UPF3A: variants seen among roughly 807,000 people sequenced by gnomAD.
UPF3A encodes regulator of nonsense transcripts 3A.
A neutral mutation model predicts 53.5 loss-of-function variants in UPF3A; 42 were observed. The observed-to-expected ratio is 0.78, with a 90% CI of 0.61 to 1.01. The LOEUF is 1.01. Ranked by LOEUF, UPF3A falls within the 50% of genes least tolerant of loss-of-function variation. The pLI, the probability that UPF3A is intolerant of heterozygous loss-of-function variation, is 0.00. For missense variants in UPF3A, 575 were observed against 598.0 expected (o/e 0.96, Z 0.40); for synonymous variants, 237 against 225.3 (o/e 1.05, Z -0.47).
intron 7 of UPF3A, among the ~76,000 whole-genome samples, chr13:114,293,529 T>G (rs941790002): frequency 6.6e-6 from 1 of 152,210 alleles, no homozygotes; most frequent in Admixed American, 6.5e-5. Context: ...GCTGAGTTTT[T>G]TCTGTGACTG....
At chr13:114,298,714 AGCTTTAATTCTTTGCTGTGCAAACATTTG>A in intron 7 of UPF3A, 97 bp from the exon 8 acceptor site, 1 of 974,144 alleles carries the variant, frequency 1.0e-6, no homozygotes, top group Non-Finnish European at 1.4e-6. Context: ...TTGGACCTTT[AGCTTTAATTCTTTGCTGTGCAAACATTTG>A]GCTTCAATAT....
chr13:114,296,884 G>A (rs1315016065), intron 7 of UPF3A, among the ~76,000 whole-genome samples: 2 of 152,190 alleles, frequency 1.3e-5, no homozygotes, highest in Non-Finnish European at 1.5e-5. Context: ...TGAATGGGTG[G>A]ATGGAGATTT....
At chr13:114,281,873 C>T in intron 1 of UPF3A, 27 bp downstream of exon 1, 1 of 1,465,616 alleles carries the variant, frequency 6.8e-7, no homozygotes, top group Non-Finnish European at 9.0e-7. Flanking sequence ...GGCGCGCAAA[C>T]CTCGCGAGGA....
intron 7 of UPF3A, among the ~76,000 whole-genome samples, chr13:114,296,213 TCTCTACTAAAAATAC>T (rs1478885894): frequency 6.6e-6 from 1 of 152,044 alleles, no homozygotes. Context: ...TGAAACCCCG[TCTCTACTAAAAATAC>T]AAAAATTAGC....
intron 3 of UPF3A, chr13:114,284,078 G>C (rs762326396): frequency 6.0e-5 from 59 of 985,094 alleles, no homozygotes; most frequent in Non-Finnish European, 7.0e-5. Context: ...AAAAAATATT[G>C]GTGGGCCGGG....
chr13:114,283,857 C>G (rs1478823243), intron 3 of UPF3A: 3 of 985,458 alleles, frequency 3.0e-6, no homozygotes, highest in Non-Finnish European at 3.6e-6. Context: ...CTGCCCTCCC[C>G]TCCCCAGCCA....
chr13:114,291,586 G>A (rs1199374444), intron 6 of UPF3A, 42 bp downstream of exon 6: 1 of 1,604,226 alleles, frequency 6.2e-7, no homozygotes, highest in Non-Finnish European at 8.5e-7. Context: ...CCCTGCTTCT[G>A]CCATTCTCAT....
At chr13:114,286,161 T>C (rs2084667314) in intron 3 of UPF3A, 141 bp from the exon 4 acceptor site, 1 of 1,090,996 alleles carries the variant, frequency 9.2e-7, no homozygotes, top group Non-Finnish European at 1.3e-6. Flanking sequence ...AATCTCTTAC[T>C]GGAAGGATGA....
intron 3 of UPF3A, chr13:114,283,897 T>C (rs1274734823): frequency 1.0e-6 from 1 of 985,266 alleles, no homozygotes. Flanking sequence ...GTTTTGACAC[T>C]GATGAGTGTT....
chr13:114,282,222 C>A, intron 2 of UPF3A, 95 bp downstream of exon 2: 1 of 1,096,578 alleles, frequency 9.1e-7, no homozygotes. Flanking sequence ...CCTGATTTCT[C>A]CTATATGGGA....
At chr13:114,301,067 G>A (rs1361576418) in intron 8 of UPF3A, among the ~76,000 whole-genome samples, 5 of 151,130 alleles carry the variant, frequency 3.3e-5, no homozygotes, top group East Asian at 2.0e-4. Flanking sequence ...CCACCTTGGC[G>A]TCCCAAAGTG....
intron 7 of UPF3A, among the ~76,000 whole-genome samples, chr13:114,292,803 T>G (rs904985873): frequency 6.6e-6 from 1 of 152,064 alleles, no homozygotes; most frequent in Non-Finnish European, 1.5e-5. Flanking sequence ...TACATTTTCC[T>G]TTAAAAAAAA....
intron 7 of UPF3A, among the ~76,000 whole-genome samples, chr13:114,296,753 G>A (rs1345084065): frequency 6.6e-6 from 1 of 152,174 alleles, no homozygotes; most frequent in Non-Finnish European, 1.5e-5. Flanking sequence ...CTAACTCCAG[G>A]TCGATGATCT....
chr13:114,296,683 C>T (rs1249130858), intron 7 of UPF3A, among the ~76,000 whole-genome samples: 6 of 152,148 alleles, frequency 3.9e-5, no homozygotes, highest in African/African-American at 1.4e-4. Context: ...GGACTTGGAA[C>T]TGTCGTCTGA....
chr13:114,298,575 TTC>T (rs764818740), intron 7 of UPF3A, among the ~76,000 whole-genome samples: 13 of 152,114 alleles, frequency 8.5e-5, no homozygotes, highest in Non-Finnish European at 1.8e-4. Context: ...GTGGTGCATG[TTC>T]TGTTTTTTAG....
At chr13:114,289,707 G>C (rs1032854752) in intron 5 of UPF3A, among the ~76,000 whole-genome samples, 63 of 152,228 alleles carry the variant, frequency 4.1e-4, no homozygotes, top group African/African-American at 1.5e-3. Flanking sequence ...TCGGCCTTTA[G>C]CATCGGCCTT....
chr13:114,294,860 C>T (rs2085694329), intron 7 of UPF3A, among the ~76,000 whole-genome samples: 1 of 138,444 alleles, frequency 7.2e-6, no homozygotes, highest in Non-Finnish European at 1.5e-5. Context: ...CACCTGTAAT[C>T]CTGGCACTTT....
At chr13:114,287,939 TG>T (rs2084890349) in intron 5 of UPF3A, among the ~76,000 whole-genome samples, 1 of 152,150 alleles carries the variant, frequency 6.6e-6, no homozygotes, top group South Asian at 2.1e-4. Flanking sequence ...CCTGAGTAGC[TG>T]GGATTACAGG....
rs922422588 is a variant in UPF3A at position 114,286,793 on chromosome 13, C to T, written c.631+164C>T. 9.7e-6 allele frequency: 6 copies of T among 620,386 alleles called. No homozygotes were observed. The African/African-American group carries it at 1.1e-4, about 11-fold the overall frequency. The allele number at this position is 620,386 out of a possible 1,614,324, so 38.4% of individuals were successfully genotyped here. ...TTTTGACAAAAGAATGGCAAGATGG[C>T]AGCATGGGAAAATATTTCTGAGCGT... On this transcript the variant is annotated intron_variant, in intron 5 of 9. Transcript: ENST00000375299.
Sources: allele counts gnomAD v4.1 joint callset (sites outside exome capture counted in the v4.1 genomes callset), GRCh38; gene constraint gnomAD v4.1.1; transcripts MANE v1.5; gene names NCBI Gene and HGNC (gene_info 2026-07-23, HGNC 2026-07-21).